Variants in ATXN7L1 observed in about 807,000 individuals in gnomAD.
ATXN7L1 encodes the protein ataxin 7 like 1.
In ATXN7L1, 15 loss-of-function variants were observed where a neutral mutation model predicts 70.8. The observed-to-expected ratio is 0.21, with a 90% confidence interval of 0.14 to 0.33. The LOEUF is 0.33. ATXN7L1 is among the 10% of genes least tolerant of loss of function. The pLI is 1.00. For synonymous variants in ATXN7L1, 440 were observed against 445.1 expected, an observed-to-expected ratio of 0.99 and a Z score of 0.14; for missense variants, 975 against 1,097.1, an observed-to-expected ratio of 0.89 and a Z score of 1.57.
At chr7:105,847,345 A>G (rs180842120) in intron 2 of ATXN7L1, among the ~76,000 whole-genome samples, 5 of 152,196 alleles carry the variant, frequency 3.3e-5, no homozygotes, top group Admixed American at 3.3e-4. Flanking sequence ...GAAATTTGAG[A>G]GAGAAATCAT....
intron 3 of ATXN7L1, among the ~76,000 whole-genome samples, chr7:105,745,190 C>T (rs1798443964): frequency 6.6e-6 from 1 of 151,882 alleles, no homozygotes; most frequent in Non-Finnish European, 1.5e-5. Context: ...TGAAGGGATA[C>T]AGTTTTGCAA....
intron 3 of ATXN7L1, among the ~76,000 whole-genome samples, chr7:105,720,793 G>A (rs1795099870): frequency 6.6e-6 from 1 of 152,096 alleles, no homozygotes; most frequent in Admixed American, 6.6e-5. Context: ...AGAGGAGTTG[G>A]TGGTGTCTTC....
chr7:105,747,751 G>C (rs1177924698), intron 3 of ATXN7L1, among the ~76,000 whole-genome samples: 1 of 152,168 alleles, frequency 6.6e-6, no homozygotes, highest in Non-Finnish European at 1.5e-5. Flanking sequence ...TGAATTAGAG[G>C]ACATCCAGCT....
chr7:105,747,697 C>T (rs1798734960), intron 3 of ATXN7L1, among the ~76,000 whole-genome samples: 1 of 152,172 alleles, frequency 6.6e-6, no homozygotes, highest in Admixed American at 6.5e-5. Context: ...TGAGCCCTCA[C>T]CCTATGGGAT....
At chr7:105,737,524 T>TG (rs1363176009) in intron 3 of ATXN7L1, among the ~76,000 whole-genome samples, 2 of 135,306 alleles carry the variant, frequency 1.5e-5, no homozygotes, top group African/African-American at 6.1e-5. Flanking sequence ...CCTACTAACG[T>TG]CCCCGTGTGT....
chr7:105,815,118 G>A (rs571763425), intron 2 of ATXN7L1, among the ~76,000 whole-genome samples: 3 of 152,258 alleles, frequency 2.0e-5, no homozygotes, highest in East Asian at 1.9e-4. Context: ...ACTCTTACAC[G>A]TATATAAAGG....
At chr7:105,659,677 T>C (rs1451334043) in intron 4 of ATXN7L1, among the ~76,000 whole-genome samples, 1 of 151,856 alleles carries the variant, frequency 6.6e-6, no homozygotes, top group Admixed American at 6.6e-5. Flanking sequence ...GCCCTCAGAC[T>C]CCTCTTTCCC....
At chr7:105,672,784 T>C (rs995557461) in intron 3 of ATXN7L1, among the ~76,000 whole-genome samples, 1 of 152,142 alleles carries the variant, frequency 6.6e-6, no homozygotes, top group South Asian at 2.1e-4. Flanking sequence ...CTGACTCCCC[T>C]AGGGAGAGGA....
intron 2 of ATXN7L1, among the ~76,000 whole-genome samples, chr7:105,874,632 C>A (rs75620779): frequency 0.077 from 11,791 of 152,270 alleles, 626 homozygotes; most frequent in East Asian, 0.28. Context: ...GGGAACTGTC[C>A]TTGAATATGT....
intron 3 of ATXN7L1, among the ~76,000 whole-genome samples, chr7:105,680,747 G>C (rs1805437618): frequency 1.3e-5 from 2 of 152,232 alleles, no homozygotes; most frequent in African/African-American, 4.8e-5. Flanking sequence ...GCAATGCTTA[G>C]AAGAAACACA....
chr7:105,632,921 TAAAAAAAAAAAAAAA>T (rs11417434), intron 7 of ATXN7L1, among the ~76,000 whole-genome samples: 1 of 60,042 alleles, frequency 1.7e-5, no homozygotes, highest in Non-Finnish European at 2.7e-5. Context: ...ATCTTGTCTT[TAAAAAAAAAAAAAAA>T]AAAAAAAAAA....
intron 3 of ATXN7L1, among the ~76,000 whole-genome samples, chr7:105,728,027 T>A (rs1796117207): frequency 6.6e-6 from 1 of 151,920 alleles, no homozygotes; most frequent in African/African-American, 2.4e-5. Flanking sequence ...AGAACAATTT[T>A]AAAAAGTATG....
chr7:105,800,915 A>C (rs966868735), intron 2 of ATXN7L1, among the ~76,000 whole-genome samples: 1 of 152,226 alleles, frequency 6.6e-6, no homozygotes, highest in East Asian at 1.9e-4. Flanking sequence ...GTAAAAAGCC[A>C]AAGACCCTCA....
At chr7:105,831,955 T>A (rs1184128533) in intron 2 of ATXN7L1, among the ~76,000 whole-genome samples, 1 of 152,194 alleles carries the variant, frequency 6.6e-6, no homozygotes, top group African/African-American at 2.4e-5. Context: ...AAAGGACATG[T>A]AATAATAGTA....
intron 7 of ATXN7L1, among the ~76,000 whole-genome samples, chr7:105,625,056 G>A (rs952949714): frequency 6.6e-6 from 1 of 152,162 alleles, no homozygotes; most frequent in Non-Finnish European, 1.5e-5. Context: ...CAGTAATGAA[G>A]AAATGCAGTC....
chr7:105,804,744 A>T (rs1277638400), intron 2 of ATXN7L1, among the ~76,000 whole-genome samples: 1 of 152,204 alleles, frequency 6.6e-6, no homozygotes, highest in African/African-American at 2.4e-5. Flanking sequence ...TTGAATCCTC[A>T]CAGCAGACCT....
At chr7:105,678,990 C>T (rs550179501) in intron 3 of ATXN7L1, 49 of 851,656 alleles carry the variant, frequency 5.8e-5, no homozygotes, top group Non-Finnish European at 5.9e-5. Flanking sequence ...ATCTCTGTTC[C>T]GTGACCTGCG....
chr7:105,662,010 T>TTTTC (rs137986390), intron 4 of ATXN7L1, among the ~76,000 whole-genome samples: 5 of 131,886 alleles, frequency 3.8e-5, no homozygotes, highest in Admixed American at 7.8e-5. Context: ...AGATTCTTTC[T>TTTTC]TTTCTTTCTT....
intron 9 of ATXN7L1, chr7:105,617,991 G>C (rs1753148615): frequency 2.2e-6 from 1 of 456,670 alleles, no homozygotes; most frequent in South Asian, 1.5e-5. Context: ...ACGCTCTCCA[G>C]AGTTGACACC....
Sources: gnomAD v4.1 joint callset for allele counts (sites outside exome capture counted in the v4.1 genomes callset) on GRCh38, gnomAD v4.1.1 for gene constraint, MANE v1.5 for transcripts, NCBI Gene and HGNC (gene_info 2026-07-23, HGNC 2026-07-21) for gene names.